The following MYO10 variants were observed in gnomAD, a reference collection of about 807,000 sequenced individuals.
MYO10 encodes unconventional myosin-X.
MYO10 carries 133 observed loss-of-function variants against 257.3 expected under a neutral mutation model. The observed-to-expected ratio is 0.52, with a 90% CI of 0.45 to 0.60. The LOEUF is 0.60. MYO10 is among the 20% of genes least tolerant of loss of function. MYO10 has a pLI of 0.00. For synonymous variants in MYO10, 1,104 were observed against 1,028.6 expected, an observed-to-expected ratio of 1.07 and a Z score of -1.40; for missense variants, 2,399 against 2,635.7, an observed-to-expected ratio of 0.91 and a Z score of 1.97.
At chr5:16,849,730 G>A (rs149326828) in intron 2 of MYO10, among the ~76,000 whole-genome samples, 7 of 152,230 alleles carry the variant, frequency 4.6e-5, no homozygotes, top group African/African-American at 1.4e-4. Context: ...ATACTTGTTC[G>A]CAAAATACTT....
At chr5:16,903,997 T>C (rs1382618027) in intron 1 of MYO10, among the ~76,000 whole-genome samples, 1 of 152,176 alleles carries the variant, frequency 6.6e-6, no homozygotes, top group Non-Finnish European at 1.5e-5. Flanking sequence ...GTGTCTTGTA[T>C]GCCATGAGTT....
At chr5:16,908,698 TATAG>T (rs1261701890) in intron 1 of MYO10, among the ~76,000 whole-genome samples, 16 of 152,282 alleles carry the variant, frequency 1.1e-4, no homozygotes, top group Non-Finnish European at 1.5e-4. Context: ...ACACATTATA[TATAG>T]ATAGATATAG....
At chr5:16,778,688 G>GTTTTTTTTTTT (rs55880979) in intron 9 of MYO10, among the ~76,000 whole-genome samples, 2 of 107,536 alleles carry the variant, frequency 1.9e-5, no homozygotes, top group Admixed American at 9.9e-5. Context: ...CTTTGCTGAG[G>GTTTTTTTTTTT]TTTTTTTTTT....
At chr5:16,860,457 G>T (rs142014401) in intron 2 of MYO10, among the ~76,000 whole-genome samples, 227 of 152,220 alleles carry the variant, frequency 1.5e-3, no homozygotes, top group African/African-American at 5.3e-3. Context: ...CAGATCCCAG[G>T]CCCATATTTA....
intron 19 of MYO10, among the ~76,000 whole-genome samples, chr5:16,746,415 C>T (rs780651831): frequency 6.6e-6 from 1 of 152,156 alleles, no homozygotes; most frequent in Admixed American, 6.6e-5. Flanking sequence ...CCTCATTTTC[C>T]CCAGCTCCTA....
intron 19 of MYO10, among the ~76,000 whole-genome samples, chr5:16,733,571 T>C (rs1739670785): frequency 6.6e-6 from 1 of 151,894 alleles, no homozygotes; most frequent in African/African-American, 2.4e-5. Flanking sequence ...GAAGGCCTGG[T>C]GGGAAGAGGG....
At chr5:16,690,600 T>C (rs1737455627) in intron 27 of MYO10, among the ~76,000 whole-genome samples, 2 of 152,158 alleles carry the variant, frequency 1.3e-5, no homozygotes, top group Admixed American at 1.3e-4. Context: ...CACTCCTGCC[T>C]GCAACTTCCT....
At chr5:16,886,354 T>C (rs562784136) in intron 1 of MYO10, among the ~76,000 whole-genome samples, 1 of 152,208 alleles carries the variant, frequency 6.6e-6, no homozygotes, top group African/African-American at 2.4e-5. Context: ...AGAACAATTA[T>C]AGACGTTTGT....
chr5:16,781,765 T>A lies in MYO10; in HGVS notation c.667A>T (p.Lys223Ter). 1 of 1,613,962 alleles carries A rather than the reference T, an allele frequency of 6.2e-7. No homozygotes were observed. Among genetic ancestry groups the A allele is most frequent in the Non-Finnish European group, 8.5e-7 (1 of 1,179,874 alleles). The change falls in exon 6 of 41, where the codon AAG (lysine) becomes TAG (stop). Residue 223 changes from lysine (K) to a stop codon, truncating the protein, a stop_gained. Transcript: ENST00000513610. LOFTEE classifies it high-confidence loss of function. ...VYNNNSSRFG[K>*]FVQLNICQKG... ...TGACAGATGTTCAGCTGAACAAACT[T>A]CCCAAAGCGACTAGAGTTGTTGTTG...
At chr5:16,828,411 G>C (rs540161166) in intron 2 of MYO10, among the ~76,000 whole-genome samples, 33 of 152,188 alleles carry the variant, frequency 2.2e-4, no homozygotes, top group Non-Finnish European at 1.3e-4. Flanking sequence ...AGGAGTTCAA[G>C]ACCAGCTTGG....
chr5:16,776,179 G>T (rs1036305320), intron 9 of MYO10, among the ~76,000 whole-genome samples: 9 of 152,140 alleles, frequency 5.9e-5, no homozygotes, highest in African/African-American at 2.2e-4. Flanking sequence ...TTACAGACAT[G>T]AGCCACTGTA....
intron 19 of MYO10, among the ~76,000 whole-genome samples, chr5:16,745,719 A>T (rs1462275350): frequency 1.3e-5 from 2 of 152,168 alleles, no homozygotes; most frequent in Admixed American, 6.5e-5. Flanking sequence ...TTAAAAAATT[A>T]AAAAAGCACC....
At chr5:16,829,870 T>C (rs1205562970) in intron 2 of MYO10, among the ~76,000 whole-genome samples, 1 of 150,824 alleles carries the variant, frequency 6.6e-6, no homozygotes, top group Non-Finnish European at 1.5e-5. Context: ...TTAGCTCAGT[T>C]GGAAGGAACG....
chr5:16,899,445 C>T (rs201457365), intron 1 of MYO10, among the ~76,000 whole-genome samples: 1 of 150,910 alleles, frequency 6.6e-6, no homozygotes, highest in African/African-American at 2.4e-5. Flanking sequence ...GACCAGCTTG[C>T]CCAACATGGT....
Position 16,936,067 on chromosome 5 carries a change from T to G in MYO10, c.-259A>C. 1 of 512,538 alleles carries G rather than the reference T, an allele frequency of 2.0e-6. No individual in the cohort carries two copies. 31.7% of individuals were successfully genotyped at this position (512,538 alleles called of 1,614,324 possible). A position where few individuals can be genotyped will look rare whatever the true frequency, so the allele number is the denominator to read the frequency against. On this transcript the variant is annotated 5_prime_UTR_variant, in exon 1 of 41. Coordinates refer to ENST00000513610, the MANE Select transcript of MYO10 (RefSeq NM_012334.3). ...AGTTCCTCACTACTGGGCGCAGCGCTCGCAAGCGGAGAACAGCTGGTGGCA... is the reference window on the plus strand; with the variant it reads ...AGTTCCTCACTACTGGGCGCAGCGCGCGCAAGCGGAGAACAGCTGGTGGCA...
At chr5:16,743,847 A>G (rs948970006) in intron 19 of MYO10, among the ~76,000 whole-genome samples, 1 of 152,188 alleles carries the variant, frequency 6.6e-6, no homozygotes, top group African/African-American at 2.4e-5. Flanking sequence ...CCTAATATCA[A>G]CTTTGGACTT....
chr5:16,891,259 C>A (rs2126774355), intron 1 of MYO10, among the ~76,000 whole-genome samples: 1 of 151,272 alleles, frequency 6.6e-6, no homozygotes, highest in Non-Finnish European at 1.5e-5. Context: ...TGTGCCATTG[C>A]ACTCCAGCCT....
chr5:16,762,985 A>G (rs917448115), intron 14 of MYO10, among the ~76,000 whole-genome samples: 1 of 151,962 alleles, frequency 6.6e-6, no homozygotes, highest in Non-Finnish European at 1.5e-5. Flanking sequence ...AAAAAAAAAA[A>G]AAAGTTGAAT....
At position 16,736,584 on chromosome 5, in the gene MYO10, C is replaced by T. The variant is rs937532027; in HGVS notation, c.1929+18244G>A. ...TGCACAGGACCTTATTTCCCTAATT[C>T]GCAAGGTACCTCTGATTAAAAGCCT... On this transcript the variant is annotated intron_variant, in intron 19 of 40. Transcript: ENST00000513610. Among the ~76,000 whole-genome samples the T allele has an allele frequency of 6.6e-5, 10 of 152,274 alleles. No individual in the cohort carries two copies. The South Asian group carries it at 8.3e-4, about 13-fold the overall frequency.
Sources: gnomAD v4.1 joint callset for allele counts (sites outside exome capture counted in the v4.1 genomes callset) on GRCh38, gnomAD v4.1.1 for gene constraint, MANE v1.5 for transcripts, NCBI Gene and HGNC (gene_info 2026-07-23, HGNC 2026-07-21) for gene names.